Variants in VPS13B observed in about 807,000 individuals in gnomAD.
VPS13B encodes intermembrane lipid transfer protein VPS13B.
Under a neutral mutation model 426.4 loss-of-function variants are expected in VPS13B, and 285 were observed. The observed-to-expected ratio is 0.67, with a 90% CI of 0.61 to 0.74. VPS13B has a LOEUF of 0.74. VPS13B is among the 30% of genes least tolerant of loss of function. The probability of loss-of-function intolerance (pLI) is 0.00; values close to 1 mark genes in which losing one functional copy is unlikely to be tolerated. For missense variants in VPS13B, 4,537 were observed against 4,782.6 expected (o/e 0.95, Z 1.51); for synonymous variants, 1,676 against 1,676.4 (o/e 1.00, Z 0.01).
intron 33 of VPS13B, among the ~76,000 whole-genome samples, chr8:99,586,907 C>T (rs1009636394): frequency 6.6e-6 from 1 of 152,036 alleles, no homozygotes; most frequent in African/African-American, 2.4e-5. Flanking sequence ...ATACATGTGC[C>T]GTGTTGGTTT....
chr8:99,497,360 T>G (rs1477263029), intron 25 of VPS13B, among the ~76,000 whole-genome samples: 1 of 143,090 alleles, frequency 7.0e-6, no homozygotes, highest in East Asian at 2.2e-4. Flanking sequence ...CATAAAATAA[T>G]ATGTATATAT....
At position 99,170,163 on chromosome 8, in the gene VPS13B, G is replaced by T. The variant is rs764134866; in HGVS notation, c.2333G>T (p.Trp778Leu). Residue 778 changes from tryptophan (W) to leucine (L), a missense_variant and splice_region_variant, in exon 16 of 62, where the codon TGG becomes TTG. Physicochemically the swap from Trp to Leu is moderately conservative, Grantham distance 61. This residue lies in a region of VPS13B where 4,311 missense variants were observed against 4,474.3 expected (regional missense o/e 0.96). Transcript: ENST00000357162. ...AAACTTCTGAAACTCCCCACATGCTGGTAAGTCTTACATGTTAAAATGTGA... is the reference window on the plus strand; with the variant it reads ...AAACTTCTGAAACTCCCCACATGCTTGTAAGTCTTACATGTTAAAATGTGA... ...YGKLLKLPTC[W>L]TKRSQIAITE... The T allele has an allele frequency of 6.2e-7, 1 of 1,612,168 alleles. No homozygotes were observed. Among genetic ancestry groups the T allele is most frequent in the East Asian group, 2.2e-5 (1 of 44,790 alleles).
chr8:99,586,361 A>T (rs987020951), intron 33 of VPS13B, among the ~76,000 whole-genome samples: 1 of 152,150 alleles, frequency 6.6e-6, no homozygotes, highest in Non-Finnish European at 1.5e-5. Context: ...GAAAATTCTT[A>T]GACTGGGTCA....
intron 33 of VPS13B, among the ~76,000 whole-genome samples, chr8:99,608,901 A>G (rs979490079): frequency 1.8e-4 from 27 of 152,166 alleles, no homozygotes; most frequent in Middle Eastern, 3.4e-3. Context: ...ATATATATAT[A>G]TTTATTAGGT....
At chr8:99,466,315 C>G (rs777265754) in intron 23 of VPS13B, among the ~76,000 whole-genome samples, 2 of 151,970 alleles carry the variant, frequency 1.3e-5, no homozygotes, top group Non-Finnish European at 2.9e-5. Flanking sequence ...GCATCTATTA[C>G]CTCTCTAATT....
At chr8:99,193,628 T>A (rs1282996472) in intron 17 of VPS13B, among the ~76,000 whole-genome samples, 1 of 152,174 alleles carries the variant, frequency 6.6e-6, no homozygotes. Flanking sequence ...AAAATAATAA[T>A]GTTATGTTTG....
At chr8:99,073,699 CTTTT>C (rs71273160) in intron 3 of VPS13B, among the ~76,000 whole-genome samples, 21 of 83,548 alleles carry the variant, frequency 2.5e-4, no homozygotes, top group Non-Finnish European at 1.7e-4. Flanking sequence ...ATTTTCTTTC[CTTTT>C]TTTTTTTTTT....
At chr8:99,659,348 T>G (rs1461933742) in intron 34 of VPS13B, among the ~76,000 whole-genome samples, 1 of 152,206 alleles carries the variant, frequency 6.6e-6, no homozygotes. Flanking sequence ...TCTTTATATA[T>G]TAATGGTATC....
chr8:99,085,447 C>T (rs980806565), intron 3 of VPS13B, among the ~76,000 whole-genome samples: 2 of 152,154 alleles, frequency 1.3e-5, no homozygotes, highest in East Asian at 3.8e-4. Flanking sequence ...GCATTTAGCC[C>T]ATTTACATTT....
intron 56 of VPS13B, among the ~76,000 whole-genome samples, chr8:99,857,863 G>T (rs1260911564): frequency 6.6e-6 from 1 of 152,206 alleles, no homozygotes; most frequent in Non-Finnish European, 1.5e-5. Context: ...CCTCTCATTT[G>T]TAATCTTTAT....
At chr8:99,567,753 T>C (rs1284120653) in intron 31 of VPS13B, among the ~76,000 whole-genome samples, 1 of 152,206 alleles carries the variant, frequency 6.6e-6, no homozygotes, top group African/African-American at 2.4e-5. Context: ...ATGATTACTT[T>C]GTTTAGTTAT....
chr8:99,056,321 A>G (rs970017941), intron 3 of VPS13B, among the ~76,000 whole-genome samples: 3 of 152,110 alleles, frequency 2.0e-5, no homozygotes, highest in African/African-American at 7.2e-5. Context: ...TCAGCCTCCA[A>G]AAATGCTGGG....
chr8:99,395,408 A>G (rs1814676999), intron 21 of VPS13B, among the ~76,000 whole-genome samples: 1 of 152,198 alleles, frequency 6.6e-6, no homozygotes, highest in Non-Finnish European at 1.5e-5. Context: ...ATCCTTACAC[A>G]GGGTGGAAGG....
At chr8:99,828,384 T>A (rs1814819523) in intron 51 of VPS13B, among the ~76,000 whole-genome samples, 1 of 142,842 alleles carries the variant, frequency 7.0e-6, no homozygotes, top group Non-Finnish European at 1.5e-5. Flanking sequence ...AGACTAGGAT[T>A]ACAACCACCG....
At position 99,717,251 on chromosome 8, in the gene VPS13B, C is replaced by G. The variant is rs1482338976; in HGVS notation, c.6535C>G (p.Leu2179Val). 1.2e-6 allele frequency: 2 copies of G among 1,613,852 alleles called. No homozygotes were observed. Among genetic ancestry groups the G allele is most frequent in the African/African-American group, 1.3e-5 (1 of 74,866 alleles). ...AAGTCTCAAAGAAAGAAGCCGCATT[C>G]TGATAGGACCATGTTGTGCTACTGC... Reference protein sequence around the residue: ...KTSLKERSRILIGPCCATANL... With the variant: ...KTSLKERSRIVIGPCCATANL... Residue 2179 changes from leucine (L) to valine (V), a missense_variant, in exon 37 of 62, where the codon CTG becomes GTG. Leu to Val is a conservative substitution (Grantham distance 32). This residue lies in a region of VPS13B where 4,311 missense variants were observed against 4,474.3 expected (regional missense o/e 0.96). Coordinates refer to ENST00000357162, the MANE Select transcript of VPS13B (RefSeq NM_152564.5).
At chr8:99,340,209 TG>T (rs1174600233) in intron 19 of VPS13B, 1 of 172,890 alleles carries the variant, frequency 5.8e-6, no homozygotes, top group Non-Finnish European at 1.2e-5. Flanking sequence ...TTTTGTGCTC[TG>T]GGTAAATAAG....
At chr8:99,195,863 T>A (rs1813888391) in intron 17 of VPS13B, among the ~76,000 whole-genome samples, 1 of 152,218 alleles carries the variant, frequency 6.6e-6, no homozygotes, top group African/African-American at 2.4e-5. Context: ...CAAAGATCAA[T>A]TGTCCATAAA....
intron 17 of VPS13B, among the ~76,000 whole-genome samples, chr8:99,218,986 G>A (rs1201948444): frequency 6.6e-6 from 1 of 152,080 alleles, no homozygotes; most frequent in Non-Finnish European, 1.5e-5. Context: ...GTGCAGGTTT[G>A]ATCAACACCT....
chr8:99,229,304 A>G (rs1816190630), intron 17 of VPS13B, among the ~76,000 whole-genome samples: 1 of 152,216 alleles, frequency 6.6e-6, no homozygotes, highest in South Asian at 2.1e-4. Context: ...TTATTCAGGC[A>G]TTGGCTCTGG....
Sources: allele counts gnomAD v4.1 joint callset (sites outside exome capture counted in the v4.1 genomes callset), GRCh38; gene constraint gnomAD v4.1.1; regional missense constraint gnomAD v4.1.1; transcripts MANE v1.5; gene names NCBI Gene and HGNC (gene_info 2026-07-23, HGNC 2026-07-21).